FAM120B: variants seen among roughly 807,000 people sequenced by gnomAD.
FAM120B encodes the protein family with sequence similarity 120 member B, also known as constitutive coactivator of peroxisome proliferator-activated receptor gamma.
Under a neutral mutation model 96.3 loss-of-function variants are expected in FAM120B, and 83 were observed. That is an observed-to-expected ratio of 0.86 (90% confidence interval 0.72 to 1.03). FAM120B has a LOEUF of 1.03. FAM120B is among the 50% of genes least tolerant of loss of function. The pLI is 0.00. For missense variants in FAM120B, 1,027 were observed against 1,121.2 expected (o/e 0.92, Z 1.20); for synonymous variants, 407 against 402.7 (o/e 1.01, Z -0.13).
chr6:170,293,131 A>G (rs995146285), upstream of FAM120B, among the ~76,000 whole-genome samples: 2 of 151,890 alleles, frequency 1.3e-5, no homozygotes, highest in African/African-American at 4.8e-5. Context: ...CTGACTTCGG[A>G]GCATTCTGCT....
rs1031987079 is a variant in FAM120B at position 170,370,132 on chromosome 6, C to T, written c.2283+11814C>T. Among the ~76,000 whole-genome samples the T allele has an allele frequency of 2.2e-4, 33 of 152,292 alleles. No individual in the cohort carries two copies. The highest frequency in any genetic ancestry group is 7.7e-4 in the East Asian group (4 of 5,182). ...TCGCAGAGACATTGCAGAGGTGAGACGGAGACTCTCAGTTGCCCTTGAGCT... is the reference window on the plus strand; with the variant it reads ...TCGCAGAGACATTGCAGAGGTGAGATGGAGACTCTCAGTTGCCCTTGAGCT... On this transcript the variant is annotated intron_variant, in intron 6 of 10. Coordinates refer to ENST00000476287, the MANE Select transcript of FAM120B (RefSeq NM_032448.3). The surrounding 1 kb of genome is among the most constrained non-coding windows in gnomAD (Gnocchi z 4.3).
intron 8 of FAM120B, among the ~76,000 whole-genome samples, chr6:170,395,039 G>A (rs1583312091): frequency 6.6e-6 from 1 of 152,256 alleles, no homozygotes. Context: ...GGGAAGTTAT[G>A]GAAATTTTAA....
intron 3 of FAM120B, among the ~76,000 whole-genome samples, chr6:170,326,978 C>G (rs1785629682): frequency 6.6e-6 from 1 of 152,048 alleles, no homozygotes; most frequent in Non-Finnish European, 1.5e-5. Flanking sequence ...CTCCTGACCT[C>G]AAGATATCCC....
rs1426272054 is a variant in FAM120B at position 170,363,190 on chromosome 6, A to G, written c.2283+4872A>G. ...TTAGGGAATTCTGGCTCCGTCTCTT[A>G]CACACTGAGAACTCCATGAGCTGGT... On this transcript the variant is annotated intron_variant, in intron 6 of 10. Coordinates refer to ENST00000476287, the MANE Select transcript of FAM120B (RefSeq NM_032448.3). This position sits in a 1 kb window ranked among gnomAD's most constrained non-coding sequence, Gnocchi z 4.5. Among the ~76,000 whole-genome samples, 1 of 152,172 alleles carries G rather than the reference A, an allele frequency of 6.6e-6. No individual in the cohort carries two copies. The highest frequency in any genetic ancestry group is 1.5e-5 in the Non-Finnish European group (1 of 68,026).
In FAM120B at chr6:170,358,213, C is replaced by G. The variant is rs778884387; in HGVS notation, c.2191-13C>G. 15 of 1,583,278 alleles carry G rather than the reference C, an allele frequency of 9.5e-6. No homozygotes were observed. In the South Asian group the frequency reaches 1.6e-4, roughly 17 times the overall value. ...CCTGTAGCCTAACACTGGCCTTTCT[C>G]TGTCCTTTTCAGGTGGACACGCTTT... is the stretch of plus-strand genomic sequence containing the variant. On this transcript the variant is annotated splice_polypyrimidine_tract_variant and intron_variant, in intron 5 of 10. Coordinates refer to ENST00000476287, the MANE Select transcript of FAM120B (RefSeq NM_032448.3).
chr6:170,365,497 G>A (rs1788725244), intron 6 of FAM120B, among the ~76,000 whole-genome samples: 1 of 152,226 alleles, frequency 6.6e-6, no homozygotes, highest in South Asian at 2.1e-4. Context: ...TCCACCTGAA[G>A]AAAGAGGTTG....
At chr6:170,348,918 G>A (rs1583242624) in intron 5 of FAM120B, among the ~76,000 whole-genome samples, 1 of 152,322 alleles carries the variant, frequency 6.6e-6, no homozygotes, top group Admixed American at 6.5e-5. Context: ...CCATCCTGCT[G>A]AGCTAGAGAT....
chr6:170,384,185 G>T (rs78164556), intron 6 of FAM120B, among the ~76,000 whole-genome samples: 1,814 of 152,252 alleles, frequency 0.012, 17 homozygotes, highest in Middle Eastern at 0.024. Context: ...GATGGTAGTG[G>T]CAGGGGCTAC....
intron 1 of FAM120B, among the ~76,000 whole-genome samples, chr6:170,313,561 C>T (rs1353936760): frequency 6.6e-6 from 1 of 152,238 alleles, no homozygotes; most frequent in Non-Finnish European, 1.5e-5. Flanking sequence ...TTGCTGCTTA[C>T]TCTCCATTAG....
At chr6:170,294,321 G>A (rs1783950761), upstream of FAM120B, among the ~76,000 whole-genome samples, 1 of 152,190 alleles carries the variant, frequency 6.6e-6, no homozygotes, top group Non-Finnish European at 1.5e-5. This position sits in a 1 kb window ranked among gnomAD's most constrained non-coding sequence, Gnocchi z 7.9. Context: ...GGCTTAGAAG[G>A]CACCCAATAC....
chr6:170,371,561 A>T (rs1789189871), intron 6 of FAM120B, among the ~76,000 whole-genome samples: 1 of 152,208 alleles, frequency 6.6e-6, no homozygotes, highest in African/African-American at 2.4e-5. Context: ...CAGGAGTTTC[A>T]AGAATTGTGT....
chr6:170,345,726 ATC>A (rs1371787516), intron 4 of FAM120B, among the ~76,000 whole-genome samples: 2 of 152,206 alleles, frequency 1.3e-5, no homozygotes, highest in Admixed American at 6.5e-5. Context: ...ATACCTGGAA[ATC>A]TCTTCCTTGG....
At chr6:170,294,244 A>T (rs1401806365), upstream of FAM120B, among the ~76,000 whole-genome samples, 1 of 152,248 alleles carries the variant, frequency 6.6e-6, no homozygotes, top group Non-Finnish European at 1.5e-5. The surrounding 1 kb of genome is among the most constrained non-coding windows in gnomAD (Gnocchi z 7.9). Context: ...AGGAAAAAAC[A>T]GGAAACTTTC....
rs71010657 is a variant in FAM120B, at chr6:170,361,198, GTATATATATATATATATATA to G, written c.2283+2899_2283+2918del. On this transcript the variant is annotated intron_variant, in intron 6 of 10. Coordinates refer to ENST00000476287, the MANE Select transcript of FAM120B (RefSeq NM_032448.3). ...GCCTTAAAACTATATATATATACGT[GTATATATATATATATATATA>G]TATATATATATATATATACACGTAT... Among the ~76,000 whole-genome samples, 49 of 66,026 alleles carry G rather than the reference GTATATATATATATATATATA, an allele frequency of 7.4e-4. 2 individuals carry two copies. Among genetic ancestry groups the G allele is most frequent in the South Asian group, 2.1e-3 (4 of 1,944 alleles). 43.3% of individuals were successfully genotyped at this position (66,026 alleles called of 152,430 possible).
chr6:170,301,311 T>C (rs1583166641), intron 1 of FAM120B, among the ~76,000 whole-genome samples: 1 of 152,340 alleles, frequency 6.6e-6, no homozygotes, highest in Non-Finnish European at 1.5e-5. Context: ...ATTTTAGCCA[T>C]GTCTAGAGCA....
chr6:170,348,031 T>C (rs537117116), intron 4 of FAM120B, 120 bp from the exon 5 acceptor site: 1 of 802,716 alleles, frequency 1.2e-6, no homozygotes, highest in South Asian at 2.0e-5. Flanking sequence ...GTTTACTTTC[T>C]AGTTCCTTTT....
intron 6 of FAM120B, among the ~76,000 whole-genome samples, chr6:170,369,099 A>G (rs1218031887): frequency 3.3e-5 from 5 of 152,264 alleles, no homozygotes; most frequent in African/African-American, 1.2e-4. Flanking sequence ...TAAACACAGA[A>G]GATGACTGAT....
intron 5 of FAM120B, among the ~76,000 whole-genome samples, chr6:170,355,588 G>C (rs1285616345): frequency 6.6e-6 from 1 of 152,128 alleles, no homozygotes; most frequent in Non-Finnish European, 1.5e-5. Context: ...GGGGGAAGGA[G>C]AGCATCAGGA....
At chr6:170,361,220 A>ATATACACACG (rs1554286429) in intron 6 of FAM120B, among the ~76,000 whole-genome samples, 1 of 110,022 alleles carries the variant, frequency 9.1e-6, no homozygotes, top group African/African-American at 4.1e-5. Context: ...ATATATATAT[A>ATATACACACG]TATATATATA....
Sources: gnomAD v4.1 joint callset for allele counts (sites outside exome capture counted in the v4.1 genomes callset) on GRCh38, gnomAD v4.1.1 for gene constraint, Gnocchi (gnomAD v3.1) non-coding constraint, MANE v1.5 for transcripts, NCBI Gene and HGNC (gene_info 2026-07-23, HGNC 2026-07-21) for gene names.